Variants in PIP4K2A observed in about 807,000 individuals in gnomAD.
PIP4K2A encodes the protein phosphatidylinositol 5-phosphate 4-kinase type-2 alpha.
In PIP4K2A, 14 loss-of-function variants were observed where a neutral mutation model predicts 42.9. That is an observed-to-expected ratio of 0.33 (90% CI 0.22 to 0.51). PIP4K2A has a LOEUF of 0.51. Ranked by LOEUF, PIP4K2A falls within the 20% of genes least tolerant of loss-of-function variation. The probability of loss-of-function intolerance (pLI) is 0.97; values close to 1 mark genes in which losing one functional copy is unlikely to be tolerated. For synonymous variants in PIP4K2A, 192 were observed against 192.2 expected (o/e 1.00, Z 0.01); for missense variants, 434 against 519.8 (o/e 0.83, Z 1.61).
chr10:22,625,712 T>C (rs1339721886), intron 1 of PIP4K2A, among the ~76,000 whole-genome samples: 7 of 152,168 alleles, frequency 4.6e-5, no homozygotes, highest in Non-Finnish European at 1.0e-4. Context: ...AAAGTGATCC[T>C]CTTATACTCA....
chr10:22,614,321 G>A (rs962824012), intron 1 of PIP4K2A, among the ~76,000 whole-genome samples: 1 of 152,238 alleles, frequency 6.6e-6, no homozygotes, highest in African/African-American at 2.4e-5. Context: ...AGATCATATA[G>A]TCTAACCTCT....
At chr10:22,609,342 G>T (rs1198886066) in intron 2 of PIP4K2A, among the ~76,000 whole-genome samples, 1 of 152,144 alleles carries the variant, frequency 6.6e-6, no homozygotes, top group Non-Finnish European at 1.5e-5. Context: ...AAAAATCCAA[G>T]CAATTTACAG....
At chr10:22,713,883 T>TGCGG (rs1033754540) in intron 1 of PIP4K2A, 25 of 222,216 alleles carry the variant, frequency 1.1e-4, no homozygotes, top group South Asian at 3.7e-4. Context: ...GGGACCGACC[T>TGCGG]GCGGGCGGGC....
At chr10:22,644,041 T>A (rs1003616412) in intron 1 of PIP4K2A, among the ~76,000 whole-genome samples, 1 of 152,030 alleles carries the variant, frequency 6.6e-6, no homozygotes, top group Non-Finnish European at 1.5e-5. Flanking sequence ...CTAATCACCA[T>A]CCCCAGCTGG....
At chr10:22,699,128 T>A (rs543737430) in intron 1 of PIP4K2A, among the ~76,000 whole-genome samples, 25 of 152,222 alleles carry the variant, frequency 1.6e-4, no homozygotes, top group Admixed American at 1.2e-3. Context: ...CCTCCTACTT[T>A]GGCGCAACGT....
chr10:22,574,905 A>G (rs1837074629), intron 4 of PIP4K2A, among the ~76,000 whole-genome samples: 1 of 152,210 alleles, frequency 6.6e-6, no homozygotes, highest in South Asian at 2.1e-4. Flanking sequence ...TGGCCTCTGT[A>G]GAAAGGTGGT....
At chr10:22,574,893 C>T (rs1202678464) in intron 4 of PIP4K2A, among the ~76,000 whole-genome samples, 1 of 152,118 alleles carries the variant, frequency 6.6e-6, no homozygotes, top group Non-Finnish European at 1.5e-5. Context: ...AAAAGGGGTT[C>T]TTGGCCTCTG....
intron 1 of PIP4K2A, among the ~76,000 whole-genome samples, chr10:22,664,228 T>TACATAC (rs1839304174): frequency 1.1e-5 from 1 of 89,886 alleles, no homozygotes; most frequent in Non-Finnish European, 1.9e-5. Flanking sequence ...CATATATATA[T>TACATAC]ACACACACAC....
chr10:22,647,013 T>C (rs1280068164), intron 1 of PIP4K2A, among the ~76,000 whole-genome samples: 2 of 151,962 alleles, frequency 1.3e-5, no homozygotes, highest in Admixed American at 6.6e-5. Context: ...GGCTGATCCA[T>C]GGGTGTTTTC....
In PIP4K2A at chr10:22,624,121, TC is replaced by T. The variant is rs200854601; in HGVS notation, c.145-14405del. Among the ~76,000 whole-genome samples the T allele has an allele frequency of 4.3e-3, 656 of 152,310 alleles. 3 individuals carry two copies. The highest frequency in any genetic ancestry group is 7.0e-3 in the Non-Finnish European group (475 of 68,016). ...ACCTGAAGACAAACAACTCTAGTTT[TC>T]TTCACTATGTTTAACATTGGGCAGT... On this transcript the variant is annotated intron_variant, in intron 1 of 9. Transcript: ENST00000376573.
chr10:22,542,525 A>G (rs1458440980), intron 7 of PIP4K2A, among the ~76,000 whole-genome samples: 1 of 152,232 alleles, frequency 6.6e-6, no homozygotes, highest in Non-Finnish European at 1.5e-5. Context: ...GCTGTTGTAA[A>G]TAAGTAAAAG....
intron 1 of PIP4K2A, among the ~76,000 whole-genome samples, chr10:22,643,389 T>C (rs1838818583): frequency 6.6e-6 from 1 of 152,180 alleles, no homozygotes; most frequent in Non-Finnish European, 1.5e-5. Flanking sequence ...CTAAATACAG[T>C]GCCTAAAATA....
At chr10:22,575,587 C>A (rs1837093776) in intron 4 of PIP4K2A, among the ~76,000 whole-genome samples, 1 of 152,194 alleles carries the variant, frequency 6.6e-6, no homozygotes, top group Non-Finnish European at 1.5e-5. Flanking sequence ...AGATTACATT[C>A]TATACCTCCC....
At chr10:22,579,071 T>C (rs933007771) in intron 4 of PIP4K2A, among the ~76,000 whole-genome samples, 3 of 151,246 alleles carry the variant, frequency 2.0e-5, no homozygotes, top group African/African-American at 7.3e-5. Flanking sequence ...ACACAATAAG[T>C]AGGAAAAAAG....
chr10:22,675,442 C>T (rs574929817), intron 1 of PIP4K2A, among the ~76,000 whole-genome samples: 3 of 151,966 alleles, frequency 2.0e-5, no homozygotes, highest in East Asian at 3.9e-4. Flanking sequence ...AAAAATTAGC[C>T]GAACATGGTG....
At chr10:22,696,324 T>C (rs541229808) in intron 1 of PIP4K2A, among the ~76,000 whole-genome samples, 1 of 152,270 alleles carries the variant, frequency 6.6e-6, no homozygotes, top group African/African-American at 2.4e-5. Flanking sequence ...TGCCCAACTG[T>C]TATAAGTGTG....
chr10:22,638,057 G>C (rs1838705894), intron 1 of PIP4K2A, among the ~76,000 whole-genome samples: 1 of 152,148 alleles, frequency 6.6e-6, no homozygotes. Context: ...CTCCTGAACA[G>C]TCCCCCAGGA....
At chr10:22,602,404 AAAAGAAAAG>A (rs1261783698) in intron 3 of PIP4K2A, among the ~76,000 whole-genome samples, 2 of 151,428 alleles carry the variant, frequency 1.3e-5, no homozygotes, top group African/African-American at 2.4e-5. Context: ...TAAAAAAAAA[AAAAGAAAAG>A]AAAAGAAAAG....
At chr10:22,569,953 G>A (rs186025507) in intron 5 of PIP4K2A, among the ~76,000 whole-genome samples, 1 of 152,200 alleles carries the variant, frequency 6.6e-6, no homozygotes, top group East Asian at 1.9e-4. Context: ...GCCAGAAAGG[G>A]AGATGAAACT....
Sources: gnomAD v4.1 joint callset for allele counts (sites outside exome capture counted in the v4.1 genomes callset) on GRCh38, gnomAD v4.1.1 for gene constraint, MANE v1.5 for transcripts, NCBI Gene and HGNC (gene_info 2026-07-23, HGNC 2026-07-21) for gene names.